The following TIAM1 variants were observed in gnomAD, a reference collection of about 807,000 sequenced individuals.
TIAM1 encodes rho guanine nucleotide exchange factor TIAM1.
Under a neutral mutation model 163.5 loss-of-function variants are expected in TIAM1, and 65 were observed. That is an observed-to-expected ratio of 0.40 (90% CI 0.33 to 0.49). TIAM1 has a LOEUF of 0.49. TIAM1 is among the 20% of genes least tolerant of loss of function. The probability of loss-of-function intolerance (pLI) is 0.77; values close to 1 mark genes in which losing one functional copy is unlikely to be tolerated. For synonymous variants in TIAM1, 833 were observed against 810.1 expected, an observed-to-expected ratio of 1.03 and a Z score of -0.48; for missense variants, 1,789 against 2,044.7, an observed-to-expected ratio of 0.87 and a Z score of 2.41.
chr21:31,161,469 CTG>C (rs984321192), intron 16 of TIAM1, among the ~76,000 whole-genome samples: 2 of 152,328 alleles, frequency 1.3e-5, no homozygotes, highest in South Asian at 4.1e-4. Flanking sequence ...TCCCCAGCGG[CTG>C]TGACATTCCA....
intron 1 of TIAM1, among the ~76,000 whole-genome samples, chr21:31,511,449 A>T (rs1569400394): frequency 3.9e-5 from 6 of 152,218 alleles, no homozygotes. Context: ...CTTACCAGAC[A>T]TCTGACCTTG....
At chr21:31,499,564 A>C (rs12481893) in intron 1 of TIAM1, among the ~76,000 whole-genome samples, 85,458 of 151,696 alleles carry the variant, frequency 0.56, 24,700 homozygotes, top group East Asian at 0.85. Flanking sequence ...AGACTAAAAA[A>C]AAAAACGCTG....
chr21:31,455,520 C>T (rs912658238), intron 2 of TIAM1, among the ~76,000 whole-genome samples: 1 of 151,732 alleles, frequency 6.6e-6, no homozygotes, highest in Non-Finnish European at 1.5e-5. Flanking sequence ...TCAAGCTATT[C>T]TCCTACCTCA....
intron 15 of TIAM1, among the ~76,000 whole-genome samples, chr21:31,174,278 C>T (rs139728311): frequency 1.6e-4 from 24 of 152,368 alleles, no homozygotes; most frequent in African/African-American, 5.8e-4. Flanking sequence ...GCAGACCAAG[C>T]GGCTGTCCGT....
At chr21:31,472,096 C>A (rs1757252779) in intron 1 of TIAM1, among the ~76,000 whole-genome samples, 1 of 152,090 alleles carries the variant, frequency 6.6e-6, no homozygotes, top group South Asian at 2.1e-4. Context: ...CTTGGTCTTG[C>A]CATGAACTGA....
At chr21:31,338,149 C>T (rs914992460) in intron 2 of TIAM1, among the ~76,000 whole-genome samples, 4 of 152,328 alleles carry the variant, frequency 2.6e-5, no homozygotes, top group Non-Finnish European at 4.4e-5. Flanking sequence ...AAAGGAGTGG[C>T]TACGCTGCTG....
At chr21:31,288,894 G>T (rs1369553395) in intron 2 of TIAM1, among the ~76,000 whole-genome samples, 1 of 152,134 alleles carries the variant, frequency 6.6e-6, no homozygotes, top group East Asian at 1.9e-4. Context: ...GCATCATAAA[G>T]TTAAAAAGTA....
chr21:31,135,987 T>C lies in TIAM1; in HGVS notation c.3829A>G (p.Asn1277Asp). The change falls in exon 23 of 28, where the codon AAC becomes GAC. Residue 1277 changes from asparagine (N) to aspartate (D), a missense_variant. Coordinates refer to ENST00000541036, the MANE Select transcript of TIAM1 (RefSeq NM_001353694.2). ...CACTTGCCCAGCGAGGCCGGCGGGT[T>C]CAGCCAGATCACGGTAGTGTGCAAA... ...LLLHTTVIWL[N>D]PPASLGKWKK... The C allele has an allele frequency of 6.2e-7, 1 of 1,614,198 alleles. No homozygotes were observed. Among genetic ancestry groups the C allele is most frequent in the Non-Finnish European group, 8.5e-7 (1 of 1,180,032 alleles).
chr21:31,469,079 C>CTTT (rs765505214), intron 1 of TIAM1, among the ~76,000 whole-genome samples: 78 of 110,872 alleles, frequency 7.0e-4, no homozygotes, highest in African/African-American at 2.3e-3. Context: ...GAACCAATCC[C>CTTT]TTTTTTTTTT....
chr21:31,355,649 T>C (rs1197530702), intron 2 of TIAM1, among the ~76,000 whole-genome samples: 1 of 151,998 alleles, frequency 6.6e-6, no homozygotes, highest in Non-Finnish European at 1.5e-5. Context: ...CATCCCAGGT[T>C]CAAGCAATGC....
intron 1 of TIAM1, among the ~76,000 whole-genome samples, chr21:31,524,033 G>A (rs1038285665): frequency 6.6e-6 from 1 of 150,988 alleles, no homozygotes; most frequent in Non-Finnish European, 1.5e-5. Context: ...AAAAAATAGT[G>A]TACTCTGCCT....
chr21:31,474,273 T>G (rs1364730523), intron 1 of TIAM1, among the ~76,000 whole-genome samples: 1 of 152,108 alleles, frequency 6.6e-6, no homozygotes, highest in Non-Finnish European at 1.5e-5. Flanking sequence ...CCAAATCGTA[T>G]TAGAGAATAT....
intron 15 of TIAM1, among the ~76,000 whole-genome samples, chr21:31,172,209 G>A (rs545785107): frequency 6.6e-6 from 1 of 152,150 alleles, no homozygotes; most frequent in Non-Finnish European, 1.5e-5. Flanking sequence ...GGGAATTCAA[G>A]TGGGAAAGGG....
rs1601894099 is a variant in TIAM1, at chr21:31,304,644, C to G, written c.-188-27736G>C. ...AAAGAATTTTTCAGTCTTAGTAAAT[C>G]CTGACAACAGATTAGAATATTGTAT... On this transcript the variant is annotated intron_variant, in intron 2 of 27. Transcript: ENST00000541036. 2.6e-5 allele frequency among the ~76,000 whole-genome samples: 4 copies of G among 152,276 alleles called. No individual in the cohort carries two copies. The South Asian group carries it at 8.3e-4, about 32-fold the overall frequency.
intron 15 of TIAM1, among the ~76,000 whole-genome samples, chr21:31,178,739 G>A (rs770767251): frequency 7.2e-5 from 11 of 152,062 alleles, no homozygotes; most frequent in Non-Finnish European, 1.0e-4. Flanking sequence ...ACTTGACAAA[G>A]CAGACTCTGT....
chr21:31,554,156 C>G (rs1338621110), intron 1 of TIAM1, among the ~76,000 whole-genome samples: 3 of 152,096 alleles, frequency 2.0e-5, no homozygotes, highest in African/African-American at 7.2e-5. Flanking sequence ...CTCATGGTCA[C>G]AGAGAAGCGT....
chr21:31,298,146 C>T (rs2074363113), intron 2 of TIAM1, among the ~76,000 whole-genome samples: 2 of 152,130 alleles, frequency 1.3e-5, no homozygotes, highest in African/African-American at 4.8e-5. Flanking sequence ...CATGAGAACC[C>T]AGGTGGGCTT....
At chr21:31,142,094 C>T (rs1407319459) in intron 20 of TIAM1, among the ~76,000 whole-genome samples, 2 of 152,144 alleles carry the variant, frequency 1.3e-5, no homozygotes, top group Non-Finnish European at 2.9e-5. Context: ...CTCTTGGCCA[C>T]ATTTTCCCCT....
chr21:31,359,085 A>G (rs1279327868), intron 2 of TIAM1, among the ~76,000 whole-genome samples: 1 of 152,012 alleles, frequency 6.6e-6, no homozygotes, highest in Non-Finnish European at 1.5e-5. Flanking sequence ...CTTCATTCAA[A>G]TGGTACCATC....
Sources: gnomAD v4.1 joint callset for allele counts (sites outside exome capture counted in the v4.1 genomes callset) on GRCh38, gnomAD v4.1.1 for gene constraint, MANE v1.5 for transcripts, NCBI Gene and HGNC (gene_info 2026-07-23, HGNC 2026-07-21) for gene names.